BCKDHB: variants seen among roughly 807,000 people sequenced by gnomAD.
BCKDHB encodes 2-oxoisovalerate dehydrogenase subunit beta, mitochondrial.
A neutral mutation model predicts 48.5 loss-of-function variants in BCKDHB; 41 were observed. That is an observed-to-expected ratio of 0.85 (90% confidence interval 0.66 to 1.10). The LOEUF (loss-of-function observed/expected upper bound fraction) is 1.10, where lower values mean the gene tolerates loss of function less well. Ranked by LOEUF, BCKDHB falls within the 50% of genes least tolerant of loss-of-function variation. The pLI is 0.00. For synonymous variants in BCKDHB, 201 were observed against 174.8 expected (o/e 1.15, Z -1.18); for missense variants, 496 against 494.2 (o/e 1.00, Z -0.03).
At chr6:80,424,185 T>G in the BCKDHB span, among the ~76,000 whole-genome samples, 1 of 152,192 alleles carries the variant, frequency 6.6e-6, no homozygotes, top group Non-Finnish European at 1.5e-5. Context: ...TTTTATTTAT[T>G]TTTGTTTTCA....
At chr6:80,368,571 C>T in the BCKDHB span, among the ~76,000 whole-genome samples, 6 of 152,118 alleles carry the variant, frequency 3.9e-5, no homozygotes, top group Non-Finnish European at 5.9e-5. Context: ...TAACAGGAAC[C>T]GTGATGATAT....
At chr6:80,271,978 T>A (rs905936833) in intron 8 of BCKDHB, among the ~76,000 whole-genome samples, 3 of 152,142 alleles carry the variant, frequency 2.0e-5, no homozygotes, top group African/African-American at 7.2e-5. Flanking sequence ...ACATTGAAAT[T>A]TAATTTGTGA....
At chr6:80,448,201 TG>T in the BCKDHB span, among the ~76,000 whole-genome samples, 1 of 152,092 alleles carries the variant, frequency 6.6e-6, no homozygotes, top group East Asian at 1.9e-4. Flanking sequence ...GACTTTTGTA[TG>T]TTGGAGGAAT....
chr6:80,144,671 C>A (rs530295593), intron 3 of BCKDHB, among the ~76,000 whole-genome samples: 1 of 152,100 alleles, frequency 6.6e-6, no homozygotes, highest in African/African-American at 2.4e-5. Context: ...ACTTAATTCA[C>A]GCTCATTTCT....
intron 1 of BCKDHB, among the ~76,000 whole-genome samples, chr6:80,111,456 G>A (rs1231052713): frequency 3.3e-5 from 5 of 152,124 alleles, no homozygotes; most frequent in Non-Finnish European, 7.4e-5. Flanking sequence ...TCGCATTTTT[G>A]GCAGGGGACT....
intron 9 of BCKDHB, among the ~76,000 whole-genome samples, chr6:80,297,187 A>T (rs1347704706): frequency 6.6e-6 from 1 of 152,208 alleles, no homozygotes; most frequent in African/African-American, 2.4e-5. Flanking sequence ...GGTAAATTGA[A>T]CAGTTTTCCA....
At chr6:80,292,068 G>A (rs6928305) in intron 9 of BCKDHB, among the ~76,000 whole-genome samples, 121,432 of 152,086 alleles carry the variant, frequency 0.8, 48,646 homozygotes, top group Admixed American at 0.87. Context: ...AAGATAACTT[G>A]GGGCTCCTGG....
the BCKDHB span, among the ~76,000 whole-genome samples, chr6:80,401,639 G>A: frequency 4.9e-3 from 745 of 151,688 alleles, 5 homozygotes; most frequent in African/African-American, 0.017. Context: ...ATACAACATG[G>A]TATTCTTAGC....
At chr6:80,227,199 G>T (rs1174984265) in intron 8 of BCKDHB, among the ~76,000 whole-genome samples, 1 of 152,150 alleles carries the variant, frequency 6.6e-6, no homozygotes, top group African/African-American at 2.4e-5. Context: ...GATGTAAGTC[G>T]TGTCTAATTT....
the BCKDHB span, among the ~76,000 whole-genome samples, chr6:80,434,541 G>T: frequency 1.3e-5 from 2 of 151,968 alleles, no homozygotes; most frequent in Non-Finnish European, 2.9e-5. Flanking sequence ...GTTAGATATT[G>T]TGAATTTTTT....
rs1772743608 is a variant in BCKDHB, at chr6:80,168,946, G to T, written c.549G>T (p.Arg183=). ...TTAACTGTGGAAGCCTCACTATCCG[G>T]TCCCCTTGGGGCTGTGTTGGTCATG... is the stretch of plus-strand genomic sequence containing the variant. ...DLFNCGSLTI[R]SPWGCVGHGA... The change falls in exon 5 of 10, where the codon CGG becomes CGT. Residue 183 remains arginine, a synonymous_variant. Transcript: ENST00000320393. 1.2e-6 allele frequency: 2 copies of T among 1,614,012 alleles called. No homozygotes were observed. The highest frequency in any genetic ancestry group is 1.7e-5 in the Admixed American group (1 of 60,004).
At chr6:80,337,577 T>C (rs1769657627) in intron 9 of BCKDHB, among the ~76,000 whole-genome samples, 1 of 151,776 alleles carries the variant, frequency 6.6e-6, no homozygotes. Flanking sequence ...ATATGTTCTG[T>C]TCAATACTCA....
At chr6:80,334,619 G>T (rs1393773148) in intron 9 of BCKDHB, among the ~76,000 whole-genome samples, 1 of 142,098 alleles carries the variant, frequency 7.0e-6, no homozygotes, top group African/African-American at 2.6e-5. Flanking sequence ...TGTTGCTATG[G>T]CACCCAAGAT....
rs551632775 is a variant in BCKDHB at position 80,230,026 on chromosome 6, G to GTTTTTTTTTTTT, written c.951+26833_951+26844dup. Among the ~76,000 whole-genome samples the GTTTTTTTTTTTT allele has an allele frequency of 1.6e-4, 10 of 60,660 alleles. 1 individual carries two copies. The highest frequency in any genetic ancestry group is 5.8e-4 in the Admixed American group (2 of 3,474). 39.8% of individuals were successfully genotyped at this position (60,660 alleles called of 152,430 possible). On this transcript the variant is annotated intron_variant, in intron 8 of 9. Transcript: ENST00000320393. ...TGAATTCCAAAGGGGTTTTTAGGTT[G>GTTTTTTTTTTTT]TTTTTTTTTTTTTTTTTTTTTTTTT...
chr6:80,248,085 A>G (rs1776687141), intron 8 of BCKDHB, among the ~76,000 whole-genome samples: 1 of 152,156 alleles, frequency 6.6e-6, no homozygotes, highest in African/African-American at 2.4e-5. Context: ...AATTTTTACT[A>G]ACTCTCTTAC....
chr6:80,188,544 TG>T (rs1773753342), intron 6 of BCKDHB, among the ~76,000 whole-genome samples: 1 of 151,840 alleles, frequency 6.6e-6, no homozygotes, highest in South Asian at 2.1e-4. Context: ...GAGGTTGAGA[TG>T]GGAAGATCAC....
At chr6:80,177,684 T>A (rs577149862) in intron 6 of BCKDHB, among the ~76,000 whole-genome samples, 2 of 152,304 alleles carry the variant, frequency 1.3e-5, no homozygotes, top group South Asian at 2.1e-4. Context: ...TACTGCCTGC[T>A]TTTCCCTCCT....
At chr6:80,277,686 G>T in intron 9 of BCKDHB, among the ~76,000 whole-genome samples, 1 of 149,004 alleles carries the variant, frequency 6.7e-6, no homozygotes. Flanking sequence ...TAAATCACAT[G>T]GAAGCAATAA....
chr6:80,251,177 T>C (rs571731666), intron 8 of BCKDHB, among the ~76,000 whole-genome samples: 16 of 152,296 alleles, frequency 1.1e-4, no homozygotes, highest in African/African-American at 3.1e-4. Context: ...TTTTGCTGTT[T>C]AAAAACCTAG....
Sources: allele counts gnomAD v4.1 joint callset (sites outside exome capture counted in the v4.1 genomes callset), GRCh38; gene constraint gnomAD v4.1.1; transcripts MANE v1.5; gene names NCBI Gene and HGNC (gene_info 2026-07-23, HGNC 2026-07-21).